Variants in NLRP12 observed in about 807,000 individuals in gnomAD.
The protein encoded by NLRP12 is NLR family pyrin domain containing 12, also known as NACHT, LRR and PYD domains-containing protein 12.
A neutral mutation model predicts 91.2 loss-of-function variants in NLRP12; 108 were observed. The ratio of observed to expected loss-of-function variants is 1.18; its 90% CI spans 1.01 to 1.39. NLRP12 has a LOEUF of 1.39. NLRP12 is among the 40% of genes most tolerant of loss of function. The probability of loss-of-function intolerance (pLI) is 0.00; values close to 1 mark genes in which losing one functional copy is unlikely to be tolerated. For missense variants in NLRP12, 1,530 were observed against 1,352.7 expected, an observed-to-expected ratio of 1.13 and a Z score of -2.06; for synonymous variants, 613 against 566.7, an observed-to-expected ratio of 1.08 and a Z score of -1.16.
At chr19:53,803,830 TC>T (rs1461843363) in intron 6 of NLRP12, 121 bp downstream of exon 6, 4 of 976,706 alleles carry the variant, frequency 4.1e-6, no homozygotes, top group Non-Finnish European at 6.4e-6. Flanking sequence ...CTCTTTGGCC[TC>T]CCAAAGTGCC....
intron 8 of NLRP12, 83 bp from the exon 9 acceptor site, chr19:53,796,112 G>A: frequency 7.4e-7 from 1 of 1,345,394 alleles, no homozygotes. Flanking sequence ...TGTCTCCCAG[G>A]CTGGAGTACA....
Position 53,810,887 on chromosome 19 carries a change from T to A in NLRP12, c.772A>T (p.Ser258Cys). 2 of 1,614,132 alleles carry A rather than the reference T, an allele frequency of 1.2e-6. No individual in the cohort carries two copies. The highest frequency in any genetic ancestry group is 1.7e-6 in the Non-Finnish European group (2 of 1,180,022). ...FYINCREMNQ[S>C]ATECSMQDLI... Reference sequence around the variant, plus strand: ...TCTTGCATGCTGCATTCCGTGGCACTCTGGTTCATCTCCCTGCAGTTGATG... The same window carrying A: ...TCTTGCATGCTGCATTCCGTGGCACACTGGTTCATCTCCCTGCAGTTGATG... The change falls in exon 3 of 10, where the codon AGT becomes TGT. Residue 258 changes from serine to cysteine, a missense_variant. By Grantham distance (112) the Ser-to-Cys change is moderately radical. Coordinates refer to ENST00000324134, the MANE Select transcript of NLRP12 (RefSeq NM_144687.4).
intron 1 of NLRP12, 39 bp from the exon 2 acceptor site, chr19:53,815,027 T>A: frequency 1.4e-6 from 2 of 1,465,918 alleles, no homozygotes; most frequent in Non-Finnish European, 1.9e-6. Context: ...AGCACGCATC[T>A]GGCTAGTAGC....
intron 8 of NLRP12, among the ~76,000 whole-genome samples, chr19:53,797,926 A>G (rs958168900): frequency 1.4e-5 from 2 of 143,154 alleles, no homozygotes; most frequent in Admixed American, 1.4e-4. Flanking sequence ...TTTAGTAGAG[A>G]CAGGGTTTCA....
rs766680396 is a variant in NLRP12, at chr19:53,810,716, C to G, written c.943G>C (p.Glu315Gln). 1 of 1,613,994 alleles carries G rather than the reference C, an allele frequency of 6.2e-7. No individual in the cohort carries two copies. Residue 315 changes from glutamate to glutamine, a missense_variant, in exon 3 of 10, where the codon GAG becomes CAG. Physicochemically the swap from Glu to Gln is conservative, Grantham distance 29. Transcript: ENST00000324134. ...DPQGPWCLCW[E>Q]EKRPTELLLN... ...AGCAGCTCCGTGGGCCGTTTCTCCTCCCAGCAGAGGCACCAGGGTCCCTGA... is the reference window on the plus strand; with the variant it reads ...AGCAGCTCCGTGGGCCGTTTCTCCTGCCAGCAGAGGCACCAGGGTCCCTGA...
At chr19:53,804,994 C>T (rs954910618) in intron 5 of NLRP12, among the ~76,000 whole-genome samples, 2 of 152,004 alleles carry the variant, frequency 1.3e-5, no homozygotes, top group Admixed American at 6.6e-5. Context: ...TGTGCCACTG[C>T]ACCCCAACTT....
At position 53,794,154 on chromosome 19, in the gene NLRP12, G is replaced by C; in HGVS notation, c.3099-18C>G. 4 of 1,536,366 alleles carry C rather than the reference G, an allele frequency of 2.6e-6. No individual in the cohort carries two copies. Among genetic ancestry groups the C allele is most frequent in the Non-Finnish European group, 2.7e-6 (3 of 1,109,086 alleles). ...CAAATAACCTGTGGACACAAGAGTT[G>C]ATATTATTCCAGTGTACTACTGTGG... is the stretch of plus-strand genomic sequence containing the variant. On this transcript the variant is annotated intron_variant, in intron 9 of 9. Coordinates refer to ENST00000324134, the MANE Select transcript of NLRP12 (RefSeq NM_144687.4).
At chr19:53,803,072 G>T (rs1479205598) in intron 6 of NLRP12, among the ~76,000 whole-genome samples, 1 of 152,142 alleles carries the variant, frequency 6.6e-6, no homozygotes, top group African/African-American at 2.4e-5. Context: ...TTGATCCATG[G>T]TTGATGAAAT....
rs769279430 is a variant in NLRP12 at position 53,810,608 on chromosome 19, G to A, written c.1051C>T (p.His351Tyr). Reference sequence around the variant, plus strand: ...TGCCTGGGGTGCTCCAGCAGACGGTGGAGCTTCTCCAAAGCCGTGGGCCGT... The same window carrying A: ...TGCCTGGGGTGCTCCAGCAGACGGTAGAGCTTCTCCAAAGCCGTGGGCCGT... The part of the protein sequence containing the change: ...TTRPTALEKL[H>Y]RLLEHPRHVE... The change falls in exon 3 of 10, where the codon CAC becomes TAC. Residue 351 changes from histidine to tyrosine, a missense_variant. Physicochemically the swap from His to Tyr is moderately conservative, Grantham distance 83. Transcript: ENST00000324134. The A allele has an allele frequency of 1.9e-6, 3 of 1,614,072 alleles. No homozygotes were observed. The South Asian group carries it at 3.3e-5, about 18-fold the overall frequency.
chr19:53,802,459 G>C lies in NLRP12; in HGVS notation c.2586-1062C>G, dbSNP rs527254265. Among the ~76,000 whole-genome samples the C allele has an allele frequency of 2.8e-3, 426 of 152,106 alleles. 4 individuals are homozygous for C. Among genetic ancestry groups the C allele is most frequent in the African/African-American group, 9.8e-3 (408 of 41,524 alleles). ...ATGGTGGCTCACGCCTGTAATCCCA[G>C]CACTTTCGGGGGCTGAGGCGGGCGG... On this transcript the variant is annotated intron_variant, in intron 6 of 9. Transcript: ENST00000324134.
Position 53,809,820 on chromosome 19 carries a change from G to T in NLRP12, c.1839C>A (p.Phe613Leu), listed in dbSNP as rs759036045. The change falls in exon 3 of 10, where the codon TTC becomes TTA. Residue 613 changes from phenylalanine (F) to leucine (L), a missense_variant. Coordinates refer to ENST00000324134, the MANE Select transcript of NLRP12 (RefSeq NM_144687.4). ...CCTGGATCTCGTACAAGCAGCTGAAGAACTCCAAGGAGCCCTGCTGCAGGG... is the reference window on the plus strand; with the variant it reads ...CCTGGATCTCGTACAAGCAGCTGAATAACTCCAAGGAGCCCTGCTGCAGGG... Reference protein sequence around the residue: ...GSTLQQGSLEFFSCLYEIQEE... With the variant: ...GSTLQQGSLELFSCLYEIQEE... The T allele has an allele frequency of 1.2e-6, 2 of 1,614,134 alleles. No individual in the cohort carries two copies. The highest frequency in any genetic ancestry group is 1.7e-6 in the Non-Finnish European group (2 of 1,180,014).
intron 2 of NLRP12, among the ~76,000 whole-genome samples, chr19:53,813,371 G>C (rs371906127): frequency 7.7e-6 from 1 of 129,804 alleles, no homozygotes; most frequent in East Asian, 2.2e-4. Context: ...GGCACGATTC[G>C]GCTTACTGCA....
chr19:53,823,269 T>TATATTTATATAATATACC (rs1259283318), intron 1 of NLRP12, among the ~76,000 whole-genome samples: 5 of 140,500 alleles, frequency 3.6e-5, no homozygotes, highest in African/African-American at 1.3e-4. Context: ...ATTATTTATA[T>TATATTTATATAATATACC]ATATTTATAT....
intron 1 of NLRP12, among the ~76,000 whole-genome samples, chr19:53,816,949 T>C (rs1483371997): frequency 6.6e-6 from 1 of 152,006 alleles, no homozygotes; most frequent in Non-Finnish European, 1.5e-5. Context: ...GTTCTGCAGA[T>C]TGAATGCACA....
Position 53,793,838 on chromosome 19 carries a change from G to C in NLRP12, c.*211C>G. On this transcript the variant is annotated 3_prime_UTR_variant, in exon 10 of 10. Coordinates refer to ENST00000324134, the MANE Select transcript of NLRP12 (RefSeq NM_144687.4). ...CTGACCTCGTGATCCACCTGCCTCGGCCTCTCGAAGTGCTAGGATTACATA... is the reference window on the plus strand; with the variant it reads ...CTGACCTCGTGATCCACCTGCCTCGCCCTCTCGAAGTGCTAGGATTACATA... The C allele has an allele frequency of 1.6e-6, 1 of 637,704 alleles. No individual in the cohort carries two copies. Among genetic ancestry groups the C allele is most frequent in the East Asian group, 2.8e-5 (1 of 36,158 alleles). 39.5% of individuals were successfully genotyped at this position (637,704 alleles called of 1,614,324 possible). A position where few individuals can be genotyped will look rare whatever the true frequency, so the allele number is the denominator to read the frequency against.
In NLRP12 at chr19:53,814,972, G is replaced by A. The variant is rs745452377; in HGVS notation, c.306C>T (p.Gly102=). ...EDLVRDTPPG[G]PSSLGNQSTC... ...TTGACTGGTTCCCAAGTGAGGACGG[G>A]CCACCAGGTGGGGTATCTGGAAGAG... Residue 102 remains glycine, a synonymous_variant, in exon 2 of 10, where the codon GGC becomes GGT. Transcript: ENST00000324134. 3.1e-6 allele frequency: 5 copies of A among 1,613,838 alleles called. No individual in the cohort carries two copies. The highest frequency in any genetic ancestry group is 2.2e-5 in the South Asian group (2 of 91,082).
chr19:53,807,490 C>T lies in NLRP12; in HGVS notation c.2243+5G>A. 1 of 1,613,446 alleles carries T rather than the reference C, an allele frequency of 6.2e-7. No individual in the cohort carries two copies. Among genetic ancestry groups the T allele is most frequent in the East Asian group, 2.2e-5 (1 of 44,864 alleles). On this transcript the variant is annotated splice_donor_5th_base_variant and intron_variant, in intron 4 of 9. Coordinates refer to ENST00000324134, the MANE Select transcript of NLRP12 (RefSeq NM_144687.4). ...CCTGAAACGCCCAGACCAGCCTGCA[C>T]TCACCTCAGGTTCTGAAGTTTGCAG... is the stretch of plus-strand genomic sequence containing the variant.
chr19:53,820,770 C>T (rs2122773252), intron 1 of NLRP12, among the ~76,000 whole-genome samples: 1 of 150,156 alleles, frequency 6.7e-6, no homozygotes, highest in East Asian at 2.0e-4. Context: ...TCACCGCAAG[C>T]TCTGCCTCCC....
chr19:53,819,739 G>A (rs751544303), intron 1 of NLRP12, among the ~76,000 whole-genome samples: 4 of 148,200 alleles, frequency 2.7e-5, no homozygotes, highest in African/African-American at 5.0e-5. Flanking sequence ...ATATTAAGAC[G>A]GAGTTTTGCT....
Sources: gnomAD v4.1 joint callset for allele counts (sites outside exome capture counted in the v4.1 genomes callset) on GRCh38, gnomAD v4.1.1 for gene constraint, MANE v1.5 for transcripts, NCBI Gene and HGNC (gene_info 2026-07-23, HGNC 2026-07-21) for gene names.